CCNY: variants seen among roughly 807,000 people sequenced by gnomAD.
CCNY encodes cyclin-Y.
CCNY carries 19 observed loss-of-function variants against 42.8 expected under a neutral mutation model. The observed-to-expected ratio is 0.44, with a 90% confidence interval of 0.31 to 0.65. The LOEUF (loss-of-function observed/expected upper bound fraction) is 0.65. CCNY is among the 30% of genes least tolerant of loss of function. CCNY has a pLI of 0.07. For synonymous variants in CCNY, 165 were observed against 162.7 expected (o/e 1.01, Z -0.11); for missense variants, 370 against 437.3 (o/e 0.85, Z 1.37).
At chr10:35,298,414 A>T (rs932989086) in intron 3 of CCNY, among the ~76,000 whole-genome samples, 1 of 152,206 alleles carries the variant, frequency 6.6e-6, no homozygotes, top group Non-Finnish European at 1.5e-5. Context: ...AATCATAACA[A>T]TATACTCTTT....
At chr10:35,285,736 A>G (rs974165277) in intron 3 of CCNY, among the ~76,000 whole-genome samples, 2 of 147,964 alleles carry the variant, frequency 1.4e-5, no homozygotes, top group East Asian at 2.1e-4. Context: ...CTGGCCAGTA[A>G]TCTCTGACTT....
chr10:35,406,451 C>T (rs1169372152), intron 1 of CCNY, among the ~76,000 whole-genome samples: 2 of 151,842 alleles, frequency 1.3e-5, no homozygotes, highest in African/African-American at 4.8e-5. Context: ...ATGCTGCCTT[C>T]AAGCGTCTGT....
At chr10:35,450,024 T>C (rs1280291699) in intron 1 of CCNY, among the ~76,000 whole-genome samples, 2 of 152,134 alleles carry the variant, frequency 1.3e-5, no homozygotes, top group Non-Finnish European at 2.9e-5. Context: ...CTCTGGGATT[T>C]GCCAGAAAGC....
intron 1 of CCNY, among the ~76,000 whole-genome samples, chr10:35,360,116 G>C (rs1836649367): frequency 6.6e-6 from 1 of 152,086 alleles, no homozygotes; most frequent in Non-Finnish European, 1.5e-5. Flanking sequence ...AATTCTTTTG[G>C]GTATGTACTC....
chr10:35,553,739 G>A (rs1306857228), intron 8 of CCNY, among the ~76,000 whole-genome samples: 4 of 152,110 alleles, frequency 2.6e-5, no homozygotes, highest in Non-Finnish European at 5.9e-5. Flanking sequence ...CTCGGGGAGG[G>A]CATCGCCCTT....
intron 1 of CCNY, among the ~76,000 whole-genome samples, chr10:35,471,254 G>C (rs904333568): frequency 1.3e-5 from 2 of 152,136 alleles, no homozygotes; most frequent in African/African-American, 4.8e-5. Flanking sequence ...AGGGGGATGC[G>C]AGGGGCTTGC....
chr10:35,368,033 A>C, intron 1 of CCNY, among the ~76,000 whole-genome samples: 1 of 152,238 alleles, frequency 6.6e-6, no homozygotes, highest in South Asian at 2.1e-4. Context: ...TTAGGTGCAT[A>C]TGCTAGGAAA....
intron 8 of CCNY, among the ~76,000 whole-genome samples, chr10:35,558,600 A>G (rs1362065519): frequency 1.3e-5 from 2 of 152,192 alleles, no homozygotes; most frequent in Non-Finnish European, 2.9e-5. Context: ...ATATTTTTTA[A>G]AGAGGAAATT....
intron 3 of CCNY, among the ~76,000 whole-genome samples, chr10:35,514,266 C>T (rs1373561619): frequency 6.6e-6 from 1 of 152,136 alleles, no homozygotes; most frequent in Non-Finnish European, 1.5e-5. Flanking sequence ...TGTTGAGATA[C>T]TCTGAAACTA....
chr10:35,365,847 A>G (rs1300843158), intron 1 of CCNY, among the ~76,000 whole-genome samples: 2 of 152,226 alleles, frequency 1.3e-5, no homozygotes, highest in Non-Finnish European at 2.9e-5. Context: ...TTATTTCAAA[A>G]TAAGCTAAAA....
intron 1 of CCNY, among the ~76,000 whole-genome samples, chr10:35,373,596 C>T (rs544359679): frequency 4.8e-4 from 73 of 152,172 alleles, no homozygotes; most frequent in Non-Finnish European, 9.1e-4. Context: ...AAAACCAACC[C>T]CTCTTCTTCC....
intron 3 of CCNY, among the ~76,000 whole-genome samples, chr10:35,510,803 CTAT>C (rs1840311001): frequency 1.3e-5 from 2 of 152,170 alleles, no homozygotes; most frequent in Non-Finnish European, 2.9e-5. Flanking sequence ...AAAGGGGTTA[CTAT>C]TATTGGTTAT....
At chr10:35,540,454 T>C (rs1472810778) in intron 7 of CCNY, among the ~76,000 whole-genome samples, 1 of 152,244 alleles carries the variant, frequency 6.6e-6, no homozygotes, top group Non-Finnish European at 1.5e-5. Flanking sequence ...TGCTAGTCTT[T>C]TGTTGATAAT....
intron 2 of CCNY, among the ~76,000 whole-genome samples, chr10:35,489,547 C>T (rs1053890302): frequency 1.3e-5 from 2 of 152,124 alleles, no homozygotes; most frequent in Non-Finnish European, 2.9e-5. Flanking sequence ...TGAGCCACTG[C>T]ACCCAGCCAA....
At chr10:35,253,463 G>C (rs1432819211) in intron 3 of CCNY, among the ~76,000 whole-genome samples, 1 of 127,948 alleles carries the variant, frequency 7.8e-6, no homozygotes, top group African/African-American at 3.0e-5. Flanking sequence ...GGTGTGTTGT[G>C]GGGGGAGTCT....
At chr10:35,360,194 A>G (rs1299801317) in intron 1 of CCNY, among the ~76,000 whole-genome samples, 1 of 152,188 alleles carries the variant, frequency 6.6e-6, no homozygotes, top group Non-Finnish European at 1.5e-5. Flanking sequence ...CTTAATGTTA[A>G]TAGCTGTATC....
At chr10:35,538,473 A>G (rs1840930931) in intron 7 of CCNY, among the ~76,000 whole-genome samples, 3 of 152,172 alleles carry the variant, frequency 2.0e-5, no homozygotes, top group Non-Finnish European at 2.9e-5. Context: ...ATCCTTATCA[A>G]TGCTTGTTAG....
rs112795126 is a variant in CCNY at position 35,538,028 on chromosome 10, C to A, written c.579+7785C>A. ...ATAATTGAATCATGGCACTGGTTTCCCCCATACTGTTCTCATGGTAGTGAA... is the reference window on the plus strand; with the variant it reads ...ATAATTGAATCATGGCACTGGTTTCACCCATACTGTTCTCATGGTAGTGAA... On this transcript the variant is annotated intron_variant, in intron 7 of 9. Coordinates refer to ENST00000374704, the MANE Select transcript of CCNY (RefSeq NM_145012.6). Among the ~76,000 whole-genome samples, 512 of 152,156 alleles carry A rather than the reference C, an allele frequency of 3.4e-3. 4 individuals carry two copies. The highest frequency in any genetic ancestry group is 0.012 in the African/African-American group (482 of 41,506).
At chr10:35,269,632 T>G (rs7920954) in intron 3 of CCNY, among the ~76,000 whole-genome samples, 2,438 of 108,680 alleles carry the variant, frequency 0.022, 40 homozygotes, top group Non-Finnish European at 0.031. Flanking sequence ...TTTTTTTTTG[T>G]TTTGTTTTTT....
Sources: allele counts gnomAD v4.1 joint callset (sites outside exome capture counted in the v4.1 genomes callset), GRCh38; gene constraint gnomAD v4.1.1; transcripts MANE v1.5; gene names NCBI Gene and HGNC (gene_info 2026-07-23, HGNC 2026-07-21).